FAM227B: variants seen among roughly 807,000 people sequenced by gnomAD.
FAM227B encodes the protein protein FAM227B.
A neutral mutation model predicts 73.8 loss-of-function variants in FAM227B; 88 were observed. The observed-to-expected ratio is 1.19, with a 90% CI of 1.00 to 1.42. The LOEUF (loss-of-function observed/expected upper bound fraction) is 1.42, where lower values mean the gene tolerates loss of function less well. Among genes scored for constraint, FAM227B ranks in the 40% most tolerant of loss-of-function variants. The probability of loss-of-function intolerance (pLI) is 0.00; values close to 1 mark genes in which losing one functional copy is unlikely to be tolerated. For missense variants in FAM227B, 632 were observed against 590.9 expected (o/e 1.07, Z -0.72); for synonymous variants, 210 against 190.5 (o/e 1.10, Z -0.84).
chr15:49,561,829 T>C (rs976393334), intron 9 of FAM227B, among the ~76,000 whole-genome samples: 3 of 152,132 alleles, frequency 2.0e-5, no homozygotes, highest in African/African-American at 7.2e-5. Context: ...TACCCAAATT[T>C]CTGGTATGCA....
chr15:49,413,029 C>T (rs1427894685), intron 11 of FAM227B, among the ~76,000 whole-genome samples: 1 of 152,098 alleles, frequency 6.6e-6, no homozygotes, highest in Non-Finnish European at 1.5e-5. Flanking sequence ...CAAATGACAT[C>T]ACCATTTATC....
intron 5 of FAM227B, among the ~76,000 whole-genome samples, chr15:49,587,345 G>A (rs866353887): frequency 6.6e-6 from 1 of 152,126 alleles, no homozygotes; most frequent in African/African-American, 2.4e-5. Context: ...TGGATGGCAG[G>A]AGGAGGGAGA....
chr15:49,589,276 C>T (rs1371363339), intron 4 of FAM227B, among the ~76,000 whole-genome samples: 1 of 152,032 alleles, frequency 6.6e-6, no homozygotes, highest in African/African-American at 2.4e-5. Flanking sequence ...TATCCTGACC[C>T]TTACTGATAT....
chr15:49,585,738 T>C (rs2076117220), intron 5 of FAM227B, among the ~76,000 whole-genome samples: 1 of 152,132 alleles, frequency 6.6e-6, no homozygotes, highest in African/African-American at 2.4e-5. Flanking sequence ...ATATACCTAA[T>C]GCTAAATGAC....
intron 10 of FAM227B, among the ~76,000 whole-genome samples, chr15:49,541,185 G>A (rs1385647090): frequency 2.0e-5 from 3 of 151,916 alleles, no homozygotes; most frequent in African/African-American, 7.3e-5. Flanking sequence ...TAAATTTCTT[G>A]ATAAATGTTC....
chr15:49,329,241 A>G (rs892605208), intron 15 of FAM227B: 4 of 985,472 alleles, frequency 4.1e-6, no homozygotes, highest in Non-Finnish European at 4.8e-6. Context: ...CTCTGTATGT[A>G]TATCAAGAGT....
intron 15 of FAM227B, chr15:49,329,167 T>C: frequency 1.0e-6 from 1 of 987,302 alleles, no homozygotes; most frequent in Non-Finnish European, 1.2e-6. Flanking sequence ...TGCAGGTATG[T>C]GGGTGAAAGT....
chr15:49,443,791 CAG>C (rs2051905964), intron 11 of FAM227B, among the ~76,000 whole-genome samples: 1 of 151,614 alleles, frequency 6.6e-6, no homozygotes, highest in Non-Finnish European at 1.5e-5. Context: ...CAGAGAAAAA[CAG>C]AAATAGTGAA....
chr15:49,334,944 C>G (rs1173970364), intron 14 of FAM227B, among the ~76,000 whole-genome samples: 1 of 152,170 alleles, frequency 6.6e-6, no homozygotes, highest in Admixed American at 6.5e-5. Context: ...TGACCACAAG[C>G]AATTATTTTA....
Position 49,529,187 on chromosome 15 carries a change from G to A in FAM227B, c.874+12493C>T, listed in dbSNP as rs1306224857. On this transcript the variant is annotated intron_variant, in intron 10 of 15. Coordinates refer to ENST00000299338, the MANE Select transcript of FAM227B (RefSeq NM_152647.3). ...ATGTTTCTGCAGCAATATGGATGGA[G>A]CTGGATGTCATTATTCTATGAGAAA... 3.3e-5 allele frequency among the ~76,000 whole-genome samples: 5 copies of A among 151,710 alleles called. No individual in the cohort carries two copies. The East Asian group carries it at 7.7e-4, about 23-fold the overall frequency.
At chr15:49,570,302 C>T (rs1018396872) in intron 8 of FAM227B, among the ~76,000 whole-genome samples, 1 of 151,810 alleles carries the variant, frequency 6.6e-6, no homozygotes, top group African/African-American at 2.4e-5. Context: ...TATCTTTCAT[C>T]TTTTTGATAA....
At chr15:49,551,109 G>A (rs577022786) in intron 9 of FAM227B, among the ~76,000 whole-genome samples, 12 of 152,320 alleles carry the variant, frequency 7.9e-5, no homozygotes, top group Admixed American at 3.9e-4. Flanking sequence ...GCGAAACCCC[G>A]TCTCCACCAA....
chr15:49,380,780 T>G (rs772633671), intron 11 of FAM227B, among the ~76,000 whole-genome samples: 1 of 152,132 alleles, frequency 6.6e-6, no homozygotes, highest in African/African-American at 2.4e-5. Context: ...CTCCTCTGAA[T>G]TGGATTTGAT....
In FAM227B at chr15:49,615,218, G is replaced by A; in HGVS notation, c.-47C>T. Reference sequence around the variant, plus strand: ...TGAAGAGAAATCAGCTGGGTCTTAGGCTTCAATGTGAGTTGGGCGACCAAA... The same window carrying A: ...TGAAGAGAAATCAGCTGGGTCTTAGACTTCAATGTGAGTTGGGCGACCAAA... On this transcript the variant is annotated 5_prime_UTR_variant, in exon 2 of 16. Coordinates refer to ENST00000299338, the MANE Select transcript of FAM227B (RefSeq NM_152647.3). The A allele has an allele frequency of 2.5e-6, 4 of 1,577,794 alleles. No homozygotes were observed. The highest frequency in any genetic ancestry group is 3.5e-6 in the Non-Finnish European group (4 of 1,146,978).
intron 10 of FAM227B, among the ~76,000 whole-genome samples, chr15:49,525,703 TA>T (rs1567487286): frequency 4.1e-5 from 5 of 122,020 alleles, no homozygotes; most frequent in Non-Finnish European, 6.6e-5. Flanking sequence ...TATATATATA[TA>T]TATATATATA....
Position 49,620,727 on chromosome 15 carries a change from G to C in FAM227B, c.-100C>G, listed in dbSNP as rs972315650. On this transcript the variant is annotated 5_prime_UTR_variant, in exon 1 of 16. Transcript: ENST00000299338. ...CAACTACGCCTTGACAGTATGTTTCGAGAACCGCTTCCCAATTTTGTTGTC... is the reference window on the plus strand; with the variant it reads ...CAACTACGCCTTGACAGTATGTTTCCAGAACCGCTTCCCAATTTTGTTGTC... 6.6e-6 allele frequency: 1 copy of C among 152,188 alleles called. No homozygotes were observed. The highest frequency in any genetic ancestry group is 6.5e-5 in the Admixed American group (1 of 15,278). The allele number at this position is 152,188 out of a possible 1,614,324, so 9.4% of individuals were successfully genotyped here.
chr15:49,370,810 A>G (rs1233936124), intron 12 of FAM227B, among the ~76,000 whole-genome samples: 1 of 152,198 alleles, frequency 6.6e-6, no homozygotes, highest in Non-Finnish European at 1.5e-5. Context: ...GAGTACATGA[A>G]ATCTCTACCT....
intron 13 of FAM227B, among the ~76,000 whole-genome samples, chr15:49,342,662 G>C (rs1167473512): frequency 1.3e-5 from 2 of 152,110 alleles, no homozygotes; most frequent in Non-Finnish European, 2.9e-5. Flanking sequence ...TGTGGTAGAA[G>C]GTATCCTCCT....
intron 3 of FAM227B, among the ~76,000 whole-genome samples, chr15:49,606,572 G>C (rs2077535037): frequency 6.6e-6 from 1 of 152,114 alleles, no homozygotes; most frequent in Non-Finnish European, 1.5e-5. Context: ...ACCCCCACTT[G>C]ATCTCTGACC....
Sources: allele counts gnomAD v4.1 joint callset (sites outside exome capture counted in the v4.1 genomes callset), GRCh38; gene constraint gnomAD v4.1.1; transcripts MANE v1.5; gene names NCBI Gene and HGNC (gene_info 2026-07-23, HGNC 2026-07-21).